The following ZNF292 variants were observed in gnomAD, a reference collection of about 807,000 sequenced individuals.
The protein encoded by ZNF292 is zinc finger protein 292.
In ZNF292, 26 loss-of-function variants were observed where a neutral mutation model predicts 217.9. The ratio of observed to expected loss-of-function variants is 0.12; its 90% CI spans 0.09 to 0.17. The LOEUF is 0.17. Among genes scored for constraint, ZNF292 ranks in the 10% least tolerant of loss-of-function variants. The pLI is 1.00. For synonymous variants in ZNF292, 1,257 were observed against 1,124.1 expected (o/e 1.12, Z -2.37); for missense variants, 2,904 against 3,175.2 (o/e 0.91, Z 2.05).
rs1180323880 is a variant in ZNF292, at chr6:87,261,855, A to T, written c.*54A>T. On this transcript the variant is annotated 3_prime_UTR_variant, in exon 8 of 8. Transcript: ENST00000369577. Reference sequence around the variant, plus strand: ...ACCATTTTATTTTAAATAGGAAGCCATCAAGCATGCTAGAATTGTGAAACT... The same window carrying T: ...ACCATTTTATTTTAAATAGGAAGCCTTCAAGCATGCTAGAATTGTGAAACT... 10 of 1,229,908 alleles carry T rather than the reference A, an allele frequency of 8.1e-6. No individual in the cohort carries two copies. The highest frequency in any genetic ancestry group is 1.1e-5 in the Non-Finnish European group (10 of 908,026). 76.2% of individuals were successfully genotyped at this position (1,229,908 alleles called of 1,614,324 possible).
In ZNF292 at chr6:87,261,164, A is replaced by G. The variant is rs368478191; in HGVS notation, c.7535A>G (p.Asn2512Ser). 3.1e-6 allele frequency: 5 copies of G among 1,612,856 alleles called. No individual in the cohort carries two copies. Among genetic ancestry groups the G allele is most frequent in the Middle Eastern group, 1.7e-4 (1 of 6,060 alleles). Residue 2512 changes from asparagine (N) to serine (S), a missense_variant, in exon 8 of 8, where the codon AAT becomes AGT. Asn to Ser is a conservative substitution (Grantham distance 46, BLOSUM62 1). Coordinates refer to ENST00000369577, the MANE Select transcript of ZNF292 (RefSeq NM_015021.3). ...GCTAATACTTCTTCAAATGTAAGTA[A>G]TGATTTTCAGGAAGATAACCTCTGC... ...TQANTSSNVS[N>S]DFQEDNLCQS...
chr6:87,156,647 G>C (rs1432427459), intron 1 of ZNF292, among the ~76,000 whole-genome samples: 1 of 152,212 alleles, frequency 6.6e-6, no homozygotes, highest in Non-Finnish European at 1.5e-5. Context: ...GAAGACTGAG[G>C]TTCATGTGGA....
chr6:87,243,287 T>G (rs900008676), intron 5 of ZNF292, among the ~76,000 whole-genome samples, 188 bp from the exon 6 acceptor site: 5 of 151,708 alleles, frequency 3.3e-5, no homozygotes, highest in Non-Finnish European at 5.9e-5. Flanking sequence ...AAGGTTTTTT[T>G]TTTTTTTTTT....
At chr6:87,251,035 G>A (rs1774892985) in intron 7 of ZNF292, among the ~76,000 whole-genome samples, 1 of 152,092 alleles carries the variant, frequency 6.6e-6, no homozygotes, top group Admixed American at 6.5e-5. Context: ...GTCTATTTTC[G>A]TTACTCACTT....
At chr6:87,246,444 C>T (rs1214469186) in intron 7 of ZNF292, among the ~76,000 whole-genome samples, 1 of 152,102 alleles carries the variant, frequency 6.6e-6, no homozygotes, top group Non-Finnish European at 1.5e-5. Flanking sequence ...AACCTAAAAA[C>T]GGGAACAGAA....
At chr6:87,184,466 T>C (rs2127779790) in intron 1 of ZNF292, among the ~76,000 whole-genome samples, 1 of 145,358 alleles carries the variant, frequency 6.9e-6, no homozygotes, top group Non-Finnish European at 1.5e-5. Context: ...CAACTTACCA[T>C]AGGCTTTTTT....
At chr6:87,171,493 G>T (rs958313338) in intron 1 of ZNF292, among the ~76,000 whole-genome samples, 5 of 151,970 alleles carry the variant, frequency 3.3e-5, no homozygotes, top group Non-Finnish European at 5.9e-5. Context: ...AATGTTTGCT[G>T]AGTACTTTGC....
chr6:87,216,007 T>C lies in ZNF292; in HGVS notation c.273T>C (p.Tyr91=), dbSNP rs1772735682. Residue 91 remains tyrosine, a synonymous_variant, in exon 2 of 8, where the codon TAT becomes TAC. Transcript: ENST00000369577. ...AIQSYVKARP[Y]LTSECENVAL... ...AAAGTTATGTTAAAGCCCGACCTTA[T>C]CTTACCTCTGAATGTGAAAATGTAG... 1 of 1,584,482 alleles carries C rather than the reference T, an allele frequency of 6.3e-7. No homozygotes were observed. The highest frequency in any genetic ancestry group is 8.5e-7 in the Non-Finnish European group (1 of 1,171,048).
At chr6:87,229,512 C>T (rs770768019) in intron 4 of ZNF292, among the ~76,000 whole-genome samples, 15 of 152,108 alleles carry the variant, frequency 9.9e-5, no homozygotes, top group South Asian at 2.1e-4. Context: ...CTGCAACCTC[C>T]GCCTCCCGGG....
At chr6:87,164,700 T>C (rs1412552262) in intron 1 of ZNF292, among the ~76,000 whole-genome samples, 2 of 152,104 alleles carry the variant, frequency 1.3e-5, no homozygotes, top group Non-Finnish European at 2.9e-5. Flanking sequence ...TCTCAATCTC[T>C]AAATAGAAGA....
At chr6:87,244,962 C>G (rs1250063008) in intron 6 of ZNF292, among the ~76,000 whole-genome samples, 1 of 152,020 alleles carries the variant, frequency 6.6e-6, no homozygotes, top group African/African-American at 2.4e-5. Flanking sequence ...AAATGCTGGC[C>G]GGGCACAGTG....
intron 1 of ZNF292, among the ~76,000 whole-genome samples, chr6:87,163,519 G>C (rs923037849): frequency 2.0e-5 from 3 of 151,962 alleles, no homozygotes; most frequent in African/African-American, 7.2e-5. Context: ...ATTCTAATCA[G>C]ATGTTTAAAT....
chr6:87,184,186 A>T (rs1338829794), intron 1 of ZNF292, among the ~76,000 whole-genome samples: 1 of 152,254 alleles, frequency 6.6e-6, no homozygotes, highest in East Asian at 1.9e-4. Context: ...GAAAGATAGC[A>T]TAGCTAATTG....
chr6:87,221,360 A>G (rs1773074678), intron 4 of ZNF292, among the ~76,000 whole-genome samples: 1 of 152,180 alleles, frequency 6.6e-6, no homozygotes, highest in Non-Finnish European at 1.5e-5. Flanking sequence ...TTAATGCTCA[A>G]TTATTTGTTA....
At chr6:87,156,651 A>T (rs778596304) in intron 1 of ZNF292, among the ~76,000 whole-genome samples, 1 of 152,194 alleles carries the variant, frequency 6.6e-6, no homozygotes, top group Non-Finnish European at 1.5e-5. Context: ...ACTGAGGTTC[A>T]TGTGGATCTG....
intron 4 of ZNF292, among the ~76,000 whole-genome samples, chr6:87,224,538 G>A (rs777873889): frequency 6.6e-5 from 10 of 151,648 alleles, no homozygotes; most frequent in Non-Finnish European, 1.5e-4. Context: ...CATCTCTATA[G>A]TTTTGCCTTT....
At chr6:87,236,394 T>G (rs2274582) in intron 5 of ZNF292, among the ~76,000 whole-genome samples, 37,855 of 136,490 alleles carry the variant, frequency 0.28, 5,278 homozygotes, top group South Asian at 0.43. Context: ...AGGTTGTTTT[T>G]TTTTTTTTTT....
intron 1 of ZNF292, among the ~76,000 whole-genome samples, chr6:87,181,073 C>A (rs1582388865): frequency 6.6e-6 from 1 of 152,108 alleles, no homozygotes; most frequent in Admixed American, 6.5e-5. Context: ...CCCACTGTTA[C>A]AAAGCTCTTT....
chr6:87,230,656 C>G (rs1003514361), intron 4 of ZNF292, among the ~76,000 whole-genome samples: 58 of 151,740 alleles, frequency 3.8e-4, no homozygotes, highest in Non-Finnish European at 6.6e-4. Flanking sequence ...ATGGCATGAA[C>G]CCGGGAGGCA....
Sources: allele counts gnomAD v4.1 joint callset (sites outside exome capture counted in the v4.1 genomes callset), GRCh38; gene constraint gnomAD v4.1.1; transcripts MANE v1.5; gene names NCBI Gene and HGNC (gene_info 2026-07-23, HGNC 2026-07-21).